The following ACOX3 variants were observed in gnomAD, a reference collection of about 807,000 sequenced individuals.
ACOX3 encodes the protein peroxisomal acyl-coenzyme A oxidase 3.
Under a neutral mutation model 81.5 loss-of-function variants are expected in ACOX3, and 73 were observed. The observed-to-expected ratio is 0.90, with a 90% CI of 0.74 to 1.09. The LOEUF is 1.09. Among genes scored for constraint, ACOX3 ranks in the 50% least tolerant of loss-of-function variants. The pLI is 0.00. For missense variants in ACOX3, 947 were observed against 928.0 expected (o/e 1.02, Z -0.27); for synonymous variants, 387 against 375.1 (o/e 1.03, Z -0.37).
chr4:8,359,077 T>A, the ACOX3 span, among the ~76,000 whole-genome samples: 1 of 152,122 alleles, frequency 6.6e-6, no homozygotes, highest in Non-Finnish European at 1.5e-5. This position sits in a 1 kb window ranked among gnomAD's most constrained non-coding sequence, Gnocchi z 6.0. Flanking sequence ...GGTTAAGTGA[T>A]GGGGTCCTGT....
chr4:8,372,932 T>A (rs1042981190), intron 16 of ACOX3, among the ~76,000 whole-genome samples: 1 of 152,124 alleles, frequency 6.6e-6, no homozygotes, highest in Non-Finnish European at 1.5e-5. Flanking sequence ...TCGGAGACCC[T>A]CACTCACACA....
chr4:8,375,850 C>T lies in ACOX3; in HGVS notation c.1654-698G>A, dbSNP rs1386980108. Among the ~76,000 whole-genome samples the T allele has an allele frequency of 2.6e-5, 4 of 152,324 alleles. No homozygotes were observed. In the South Asian group the frequency reaches 6.2e-4, roughly 24 times the overall value. ...TGTTGCTGCAAAAGACATGACTGTT[C>T]GTAGTGATGGCTGCACGGTATCCCA... On this transcript the variant is annotated intron_variant, in intron 14 of 17. Coordinates refer to ENST00000356406, the MANE Select transcript of ACOX3 (RefSeq NM_003501.3).
downstream of ACOX3, among the ~76,000 whole-genome samples, chr4:8,364,141 T>C (rs1308071428): frequency 6.6e-6 from 1 of 152,200 alleles, no homozygotes; most frequent in East Asian, 1.9e-4. This position sits in a 1 kb window ranked among gnomAD's most constrained non-coding sequence, Gnocchi z 5.0. Flanking sequence ...CCTAGAAGCC[T>C]GTTTTCAGAC....
chr4:8,384,590 C>T lies in ACOX3; in HGVS notation c.1538-2983G>A, dbSNP rs1018105251. Among the ~76,000 whole-genome samples the T allele has an allele frequency of 2.6e-5, 4 of 152,186 alleles. No homozygotes were observed. The highest frequency in any genetic ancestry group is 7.2e-5 in the African/African-American group (3 of 41,442). On this transcript the variant is annotated intron_variant, in intron 13 of 17. Transcript: ENST00000356406. This position sits in a 1 kb window ranked among gnomAD's most constrained non-coding sequence, Gnocchi z 5.3. ...AAGGACTCTCGAAGGTGCCCCCAGC[C>T]GCCCTGTGCACCCAATGACTGCCCC...
At chr4:8,409,393 C>T (rs1384172011) in intron 6 of ACOX3, among the ~76,000 whole-genome samples, 2 of 136,970 alleles carry the variant, frequency 1.5e-5, no homozygotes, top group Non-Finnish European at 3.2e-5. Flanking sequence ...GTGGGAGGGG[C>T]TGCGGGATAC....
At chr4:8,421,271 G>A (rs551908673) in intron 1 of ACOX3, among the ~76,000 whole-genome samples, 25 of 152,304 alleles carry the variant, frequency 1.6e-4, no homozygotes, top group Admixed American at 1.3e-3. Flanking sequence ...TGTGGCCACC[G>A]GACTTAAGAC....
At chr4:8,440,096 TTC>T (rs1420190730) in intron 1 of ACOX3, among the ~76,000 whole-genome samples, 1 of 152,258 alleles carries the variant, frequency 6.6e-6, no homozygotes, top group Admixed American at 6.5e-5. Flanking sequence ...AAACTTTCTG[TTC>T]TGTTAGCTGA....
Position 8,414,361 on chromosome 4 carries a change from C to T in ACOX3, c.474G>A (p.Leu158=), listed in dbSNP as rs150292552. Residue 158 remains leucine, a synonymous_variant, in exon 5 of 18, where the codon CTG becomes CTA. Coordinates refer to ENST00000356406, the MANE Select transcript of ACOX3 (RefSeq NM_003501.3). This position sits in a 1 kb window ranked among gnomAD's most constrained non-coding sequence, Gnocchi z 6.1. ...FRMEIFGCFA[L]TELSHGSNTK... ...TATTACTGCCGTGGCTTAATTCGGT[C>T]AGAGCAAAACATCCAAAAATCTAAA... 4.8e-4 allele frequency: 770 copies of T among 1,614,102 alleles called. No individual in the cohort carries two copies. Among genetic ancestry groups the T allele is most frequent in the Non-Finnish European group, 6.4e-4 (751 of 1,180,008 alleles).
In ACOX3 at chr4:8,384,323, G is replaced by A. The variant is rs755390574; in HGVS notation, c.1538-2716C>T. Among the ~76,000 whole-genome samples the A allele has an allele frequency of 6.6e-6, 1 of 152,192 alleles. No homozygotes were observed. Among genetic ancestry groups the A allele is most frequent in the Non-Finnish European group, 1.5e-5 (1 of 68,036 alleles). On this transcript the variant is annotated intron_variant, in intron 13 of 17. Coordinates refer to ENST00000356406, the MANE Select transcript of ACOX3 (RefSeq NM_003501.3). The surrounding 1 kb of genome is among the most constrained non-coding windows in gnomAD (Gnocchi z 5.3). ...GTGCAGGGGAGAAGATCCCCAAAAAGCACATGAAAGCAAACAATGAAAGGT... is the reference window on the plus strand; with the variant it reads ...GTGCAGGGGAGAAGATCCCCAAAAAACACATGAAAGCAAACAATGAAAGGT...
intron 6 of ACOX3, among the ~76,000 whole-genome samples, chr4:8,408,742 G>A (rs1721311264): frequency 6.6e-6 from 1 of 152,152 alleles, no homozygotes; most frequent in African/African-American, 2.4e-5. Context: ...AGTCTTTTGT[G>A]TGCTCATGAG....
Position 8,382,019 on chromosome 4 carries a change from C to T in ACOX3, c.1538-412G>A, listed in dbSNP as rs546864181. 1.2e-4 allele frequency among the ~76,000 whole-genome samples: 18 copies of T among 152,368 alleles called. No individual in the cohort carries two copies. Among genetic ancestry groups the T allele is most frequent in the East Asian group, 7.7e-4 (4 of 5,186 alleles). ...CTGCATGGGCAGCAGGACAACTGGC[C>T]GGCGGTGGCGCCCAGTGGCGAGAGG... On this transcript the variant is annotated intron_variant, in intron 13 of 17. Coordinates refer to ENST00000356406, the MANE Select transcript of ACOX3 (RefSeq NM_003501.3). This position sits in a 1 kb window ranked among gnomAD's most constrained non-coding sequence, Gnocchi z 4.1.
chr4:8,393,631 A>ACACAAG (rs1719316604), intron 10 of ACOX3, among the ~76,000 whole-genome samples: 2 of 64,340 alleles, frequency 3.1e-5, no homozygotes, highest in Non-Finnish European at 7.9e-5. Context: ...ACACACACAC[A>ACACAAG]CACACGCACA....
At chr4:8,365,676 G>C (rs796099544), downstream of ACOX3, among the ~76,000 whole-genome samples, 11 of 152,338 alleles carry the variant, frequency 7.2e-5, no homozygotes, top group Admixed American at 2.0e-4. Context: ...GGTGCTGGCA[G>C]GCGGTAGGTG....
At chr4:8,356,028 G>A in the ACOX3 span, 2 of 181,986 alleles carry the variant, frequency 1.1e-5, no homozygotes, top group East Asian at 2.4e-4. Flanking sequence ...AGAACAAACA[G>A]GCCACTGCTG....
chr4:8,422,666 G>C (rs540431779), intron 1 of ACOX3, among the ~76,000 whole-genome samples: 2 of 152,350 alleles, frequency 1.3e-5, no homozygotes, highest in Non-Finnish European at 2.9e-5. Context: ...AGTTGTTAAA[G>C]TACTGGGTCA....
In ACOX3 at chr4:8,384,477, G is replaced by A. The variant is rs1178901139; in HGVS notation, c.1538-2870C>T. Among the ~76,000 whole-genome samples the A allele has an allele frequency of 1.3e-5, 2 of 152,184 alleles. No individual in the cohort carries two copies. The highest frequency in any genetic ancestry group is 2.4e-5 in the African/African-American group (1 of 41,446). On this transcript the variant is annotated intron_variant, in intron 13 of 17. Coordinates refer to ENST00000356406, the MANE Select transcript of ACOX3 (RefSeq NM_003501.3). This position sits in a 1 kb window ranked among gnomAD's most constrained non-coding sequence, Gnocchi z 5.3. ...CTCGGAATGCGGCTGCTGGCGGCCT[G>A]AGGACACACCCAGCGTCAACAACCT...
chr4:8,397,598 G>A (rs557365154), intron 8 of ACOX3, among the ~76,000 whole-genome samples: 7 of 152,228 alleles, frequency 4.6e-5, no homozygotes, highest in Non-Finnish European at 7.3e-5. Flanking sequence ...CTTTACGTGC[G>A]TCTAGCTGGA....
intron 8 of ACOX3, 25 bp from the exon 9 acceptor site, chr4:8,397,144 G>A: frequency 6.6e-7 from 1 of 1,520,388 alleles, no homozygotes; most frequent in African/African-American, 1.4e-5. Flanking sequence ...CAGATGATAA[G>A]CTCAAGCCCG....
chr4:8,396,679 GAA>G lies in ACOX3; in HGVS notation c.1056+256_1056+257del, dbSNP rs531424752. Among the ~76,000 whole-genome samples, 361 of 100,684 alleles carry G rather than the reference GAA, an allele frequency of 3.6e-3. 1 individual carries two copies. The highest frequency in any genetic ancestry group is 0.01 in the South Asian group (29 of 2,856). The allele number at this position is 100,684 out of a possible 152,430, so 66.1% of individuals were successfully genotyped here. A position where few individuals can be genotyped will look rare whatever the true frequency, so the allele number is the denominator to read the frequency against. On this transcript the variant is annotated intron_variant, in intron 9 of 17. Coordinates refer to ENST00000356406, the MANE Select transcript of ACOX3 (RefSeq NM_003501.3). ...GGTGACAGAGCAAGGCTCCGTCTGG[GAA>G]AAAAAAAAAAAAAAAAAAAAGACTT...
Sources: gnomAD v4.1 joint callset for allele counts (sites outside exome capture counted in the v4.1 genomes callset) on GRCh38, gnomAD v4.1.1 for gene constraint, Gnocchi (gnomAD v3.1) non-coding constraint, MANE v1.5 for transcripts, NCBI Gene and HGNC (gene_info 2026-07-23, HGNC 2026-07-21) for gene names.